ADGRF1: variants seen among roughly 807,000 people sequenced by gnomAD.
ADGRF1 encodes adhesion G protein-coupled receptor F1, also known as G protein-coupled receptor 110.
ADGRF1 carries 85 observed loss-of-function variants against 87.2 expected under a neutral mutation model. That is an observed-to-expected ratio of 0.97 (90% CI 0.82 to 1.17). The LOEUF is 1.17. Among genes scored for constraint, ADGRF1 ranks in the 50% most tolerant of loss-of-function variants. The pLI is 0.00. For missense variants in ADGRF1, 1,169 were observed against 1,077.2 expected (o/e 1.09, Z -1.19); for synonymous variants, 430 against 408.8 (o/e 1.05, Z -0.63).
intron 9 of ADGRF1, chr6:47,013,219 T>C (rs2113884990): frequency 4.1e-6 from 4 of 985,522 alleles, no homozygotes; most frequent in East Asian, 1.1e-4. Flanking sequence ...TTCCTTCTTG[T>C]TCTTCTCAAC....
intron 7 of ADGRF1, chr6:47,018,906 C>A: frequency 4.9e-6 from 1 of 202,794 alleles, no homozygotes; most frequent in Non-Finnish European, 1.0e-5. Flanking sequence ...CCAGCCTGAG[C>A]AACATAGCAA....
chr6:47,020,450 G>T, intron 7 of ADGRF1: 1 of 1,215,092 alleles, frequency 8.2e-7, no homozygotes, highest in Non-Finnish European at 1.1e-6. Context: ...GTTGCAGTGA[G>T]CCTAGATTGT....
At chr6:47,014,588 G>C in intron 9 of ADGRF1, 93 bp downstream of exon 9, 1 of 1,536,850 alleles carries the variant, frequency 6.5e-7, no homozygotes, top group Non-Finnish European at 8.8e-7. Flanking sequence ...GATGCACGTA[G>C]GTATACTTAC....
intron 3 of ADGRF1, among the ~76,000 whole-genome samples, chr6:47,027,440 C>G (rs1051034111): frequency 2.0e-5 from 3 of 152,204 alleles, no homozygotes; most frequent in Non-Finnish European, 4.4e-5. Flanking sequence ...CCATTAATTA[C>G]ATTGTTAGAA....
intron 7 of ADGRF1, chr6:47,018,680 GGTGT>G: frequency 1.9e-6 from 2 of 1,029,730 alleles, no homozygotes; most frequent in Non-Finnish European, 2.6e-6. Flanking sequence ...GGGAGGCCAA[GGTGT>G]GTGGGTCATT....
rs112524809 is a variant in ADGRF1, at chr6:47,028,958, G to T, written c.69+35C>A. On this transcript the variant is annotated intron_variant, in intron 2 of 14. Transcript: ENST00000371253. The stretch of plus-strand genomic sequence containing the variant: ...GTGCCGGAACGAGAGAGGAGAGTTA[G>T]TTGAGAAGAGATATGAGACATAGCA... The T allele has an allele frequency of 1.9e-3, 2,993 of 1,554,520 alleles. 46 individuals are homozygous for T. The South Asian group carries it at 0.022, about 12-fold the overall frequency.
intron 12 of ADGRF1, among the ~76,000 whole-genome samples, 170 bp from the exon 13 acceptor site, chr6:47,006,046 T>G (rs527938532): frequency 6.6e-6 from 1 of 152,300 alleles, no homozygotes; most frequent in African/African-American, 2.4e-5. Flanking sequence ...TCTCTTTACC[T>G]ATAAACAAAA....
At position 47,004,409 on chromosome 6, in the gene ADGRF1, T is replaced by C. The variant is rs117221418; in HGVS notation, c.2592+1408A>G. Among the ~76,000 whole-genome samples the C allele has an allele frequency of 2.6e-4, 39 of 152,232 alleles. No homozygotes were observed. The East Asian group carries it at 6.6e-3, about 26-fold the overall frequency. Reference sequence around the variant, plus strand: ...TTTGTCACCTAATTTGGAAATGAAATTGGGGAGAAGGTACAAATACAGACA... The same window carrying C: ...TTTGTCACCTAATTTGGAAATGAAACTGGGGAGAAGGTACAAATACAGACA... On this transcript the variant is annotated intron_variant, in intron 13 of 14. Coordinates refer to ENST00000371253, the MANE Select transcript of ADGRF1 (RefSeq NM_153840.4).
At chr6:47,027,235 A>G (rs1780262739) in intron 3 of ADGRF1, among the ~76,000 whole-genome samples, 1 of 152,224 alleles carries the variant, frequency 6.6e-6, no homozygotes, top group African/African-American at 2.4e-5. Flanking sequence ...GCACAGTGAT[A>G]GGTGCTATGG....
intron 13 of ADGRF1, 32 bp downstream of exon 13, chr6:47,005,785 G>A (rs760999307): frequency 1.3e-6 from 2 of 1,532,402 alleles, no homozygotes; most frequent in Non-Finnish European, 1.8e-6. Context: ...GGAACTTCAT[G>A]TATTGGATTC....
At chr6:47,030,065 G>A (rs1434830001) in intron 1 of ADGRF1, among the ~76,000 whole-genome samples, 2 of 152,192 alleles carry the variant, frequency 1.3e-5, no homozygotes, top group South Asian at 4.1e-4. Context: ...ACACAGAGTA[G>A]GGCTCTCCAT....
At chr6:47,019,577 G>A (rs1043913485) in intron 7 of ADGRF1, 32 of 281,924 alleles carry the variant, frequency 1.1e-4, no homozygotes, top group Non-Finnish European at 1.4e-4. Context: ...CCAGCTACTC[G>A]GGAGGCTGAG....
At chr6:47,002,540 G>C (rs1204924459) in intron 13 of ADGRF1, among the ~76,000 whole-genome samples, 1 of 152,142 alleles carries the variant, frequency 6.6e-6, no homozygotes, top group Non-Finnish European at 1.5e-5. Flanking sequence ...ATTGCATCCT[G>C]TACCATTTGG....
intron 8 of ADGRF1, among the ~76,000 whole-genome samples, chr6:47,016,214 T>TTGTG (rs141321066): frequency 6.6e-6 from 1 of 151,918 alleles, no homozygotes; most frequent in African/African-American, 2.4e-5. Flanking sequence ...GAAAAACAGT[T>TTGTG]TGTGTGTGTG....
intron 1 of ADGRF1, among the ~76,000 whole-genome samples, chr6:47,037,868 G>GTTTT (rs1780634159): frequency 6.6e-6 from 1 of 151,978 alleles, no homozygotes; most frequent in South Asian, 2.1e-4. Flanking sequence ...TTGTTTGTTT[G>GTTTT]TTTGTGTTTT....
At chr6:47,024,268 T>C (rs1172533395) in intron 4 of ADGRF1, 51 bp from the exon 5 acceptor site, 3 of 1,302,828 alleles carry the variant, frequency 2.3e-6, no homozygotes, top group Non-Finnish European at 3.3e-6. Flanking sequence ...ATAAACTGAC[T>C]ACTGCTGAGC....
At chr6:47,024,954 G>C (rs1780182551) in intron 4 of ADGRF1, among the ~76,000 whole-genome samples, 1 of 152,194 alleles carries the variant, frequency 6.6e-6, no homozygotes, top group African/African-American at 2.4e-5. Context: ...AAGGATTCTA[G>C]AGCGTATTTG....
chr6:47,001,443 G>A, intron 14 of ADGRF1, 58 bp downstream of exon 14: 1 of 1,351,776 alleles, frequency 7.4e-7, no homozygotes, highest in Non-Finnish European at 1.0e-6. Flanking sequence ...TTATTCATAT[G>A]ATATACTCAT....
At chr6:47,022,106 G>T in intron 5 of ADGRF1, 48 bp from the exon 6 acceptor site, 1 of 1,013,968 alleles carries the variant, frequency 9.9e-7, no homozygotes, top group Non-Finnish European at 1.5e-6. Context: ...TTTCTAACTT[G>T]ATTTACTAGT....
Sources: gnomAD v4.1 joint callset for allele counts (sites outside exome capture counted in the v4.1 genomes callset) on GRCh38, gnomAD v4.1.1 for gene constraint, MANE v1.5 for transcripts, NCBI Gene and HGNC (gene_info 2026-07-23, HGNC 2026-07-21) for gene names.